SPATA31F1: variants seen among roughly 807,000 people sequenced by gnomAD.
SPATA31F1 encodes the protein protein SPATA31F1.
the SPATA31F1 span, chr9:34,723,340 C>G: frequency 1.3e-6 from 2 of 1,551,524 alleles, no homozygotes; most frequent in South Asian, 2.4e-5. Flanking sequence ...TGGAGTGTAG[C>G]CGGAGCTTAT....
the SPATA31F1 span, among the ~76,000 whole-genome samples, chr9:34,729,115 C>A: frequency 6.6e-6 from 1 of 151,980 alleles, no homozygotes; most frequent in South Asian, 2.1e-4. Flanking sequence ...GACTATGTTG[C>A]GGGAAGGGCC....
chr9:34,726,728 G>A, the SPATA31F1 span: 2 of 1,551,642 alleles, frequency 1.3e-6, no homozygotes, highest in Non-Finnish European at 1.7e-6. Flanking sequence ...TTGTGACAGT[G>A]TTGGGGTTAC....
chr9:34,724,691 G>C, the SPATA31F1 span: 2 of 1,546,364 alleles, frequency 1.3e-6, no homozygotes, highest in Middle Eastern at 1.7e-4. Flanking sequence ...TGCAACGTCT[G>C]TACAACTCTC....
the SPATA31F1 span, chr9:34,728,671 A>T: frequency 1.3e-6 from 2 of 1,551,228 alleles, no homozygotes; most frequent in Admixed American, 2.0e-5. Context: ...AGACAAAAAC[A>T]TTAGAATGTG....
chr9:34,729,396 A>G, the SPATA31F1 span: 1 of 1,551,142 alleles, frequency 6.4e-7, no homozygotes, highest in Admixed American at 2.0e-5. Context: ...GGGATATCCA[A>G]CTTCCCACAG....
At chr9:34,726,835 G>A in the SPATA31F1 span, 2 of 1,551,652 alleles carry the variant, frequency 1.3e-6, no homozygotes, top group African/African-American at 1.4e-5. Flanking sequence ...GGCAAGAGGA[G>A]CCCTGCAATG....
At chr9:34,723,523 A>G in the SPATA31F1 span, 2 of 1,551,808 alleles carry the variant, frequency 1.3e-6, no homozygotes, top group East Asian at 2.4e-5. Flanking sequence ...CCACCTTCGC[A>G]GCGGCTGAGA....
At chr9:34,723,745 A>G in the SPATA31F1 span, 3 of 1,551,754 alleles carry the variant, frequency 1.9e-6, no homozygotes, top group Non-Finnish European at 2.6e-6. Context: ...GACCCTGTGA[A>G]GCCTGGGGCA....
the SPATA31F1 span, chr9:34,729,348 A>G: frequency 1.9e-6 from 3 of 1,551,798 alleles, no homozygotes; most frequent in Admixed American, 2.0e-5. Flanking sequence ...TTGCCAGATA[A>G]TTACAATAAC....
At chr9:34,728,757 T>C in the SPATA31F1 span, 2 of 1,048,550 alleles carry the variant, frequency 1.9e-6, no homozygotes, top group African/African-American at 3.2e-5. Context: ...GCTTTGTATA[T>C]ATCTATCTGT....
chr9:34,723,189 C>A, the SPATA31F1 span: 1 of 1,533,270 alleles, frequency 6.5e-7, no homozygotes, highest in Non-Finnish European at 8.8e-7. Flanking sequence ...TGCATGTTCT[C>A]CTTGAGCGGA....
the SPATA31F1 span, chr9:34,723,875 G>A: frequency 6.4e-7 from 1 of 1,551,682 alleles, no homozygotes; most frequent in Admixed American, 2.0e-5. Flanking sequence ...AGGTAGCTGT[G>A]GGAGCTTAAG....
chr9:34,723,070 G>A, the SPATA31F1 span: 3 of 787,860 alleles, frequency 3.8e-6, no homozygotes, highest in Non-Finnish European at 5.9e-6. Flanking sequence ...GAAATATAGA[G>A]TGTATTTCTA....
At chr9:34,725,624 G>T in the SPATA31F1 span, 1 of 1,532,982 alleles carries the variant, frequency 6.5e-7, no homozygotes, top group Non-Finnish European at 8.8e-7. Flanking sequence ...CTGGAGGGCA[G>T]CTGGCCAGCC....
chr9:34,725,810 G>A, the SPATA31F1 span: 2 of 1,549,528 alleles, frequency 1.3e-6, no homozygotes, highest in Non-Finnish European at 1.7e-6. Flanking sequence ...GAGCAGTTGG[G>A]GGAAGGAGAG....
the SPATA31F1 span, chr9:34,724,340 T>C: frequency 6.4e-7 from 1 of 1,551,258 alleles, no homozygotes; most frequent in Non-Finnish European, 8.7e-7. Context: ...CTTCAAGTCA[T>C]TGGCCAGCTG....
At chr9:34,723,124 G>A in the SPATA31F1 span, 2 of 1,317,114 alleles carry the variant, frequency 1.5e-6, no homozygotes, top group Admixed American at 2.8e-5. Flanking sequence ...TGACAATACT[G>A]GTCCTCTGGA....
the SPATA31F1 span, chr9:34,729,320 A>C: frequency 6.4e-6 from 10 of 1,552,148 alleles, no homozygotes; most frequent in Non-Finnish European, 8.7e-6. Flanking sequence ...AACTCAATTC[A>C]TGGTGGCTCC....
the SPATA31F1 span, chr9:34,725,559 A>G: frequency 7.1e-7 from 1 of 1,406,254 alleles, no homozygotes; most frequent in African/African-American, 1.4e-5. Context: ...GTCTCAGGAG[A>G]CTGAGCTTTG....
Sources: gnomAD v4.1 joint callset for allele counts (sites outside exome capture counted in the v4.1 genomes callset) on GRCh38, gnomAD v4.1.1 for gene constraint, MANE v1.5 for transcripts, NCBI Gene and HGNC (gene_info 2026-07-23, HGNC 2026-07-21) for gene names.